FAM3B: variants seen among roughly 807,000 people sequenced by gnomAD.
The protein encoded by FAM3B is FAM3 metabolism regulating signaling molecule B, also known as protein FAM3B.
Under a neutral mutation model 28.4 loss-of-function variants are expected in FAM3B, and 29 were observed. The observed-to-expected ratio is 1.02, with a 90% CI of 0.76 to 1.39. The LOEUF is 1.39. FAM3B is among the 40% of genes most tolerant of loss of function. The pLI is 0.00. For missense variants in FAM3B, 266 were observed against 293.9 expected (o/e 0.91, Z 0.69); for synonymous variants, 91 against 103.0 (o/e 0.88, Z 0.71).
intron 1 of FAM3B, among the ~76,000 whole-genome samples, chr21:41,318,450 C>T (rs918644020): frequency 4.6e-5 from 7 of 152,146 alleles, no homozygotes; most frequent in African/African-American, 1.7e-4. Context: ...GCCTGTGGAC[C>T]GTCAAGGCCG....
intron 3 of FAM3B, 105 bp downstream of exon 3, chr21:41,338,606 T>C: frequency 1.4e-6 from 2 of 1,469,970 alleles, no homozygotes; most frequent in Non-Finnish European, 9.1e-7. Context: ...GAACCATATG[T>C]CGTTGGTCTC....
intron 1 of FAM3B, among the ~76,000 whole-genome samples, chr21:41,322,331 C>T (rs2088814144): frequency 6.6e-6 from 1 of 152,142 alleles, no homozygotes; most frequent in Admixed American, 6.6e-5. Flanking sequence ...CACTGGGAAC[C>T]TTGACTGGCC....
intron 2 of FAM3B, among the ~76,000 whole-genome samples, chr21:41,333,937 C>T (rs1361697979): frequency 6.6e-6 from 1 of 152,184 alleles, no homozygotes; most frequent in East Asian, 1.9e-4. Context: ...GAGCAAAGGT[C>T]ACTTTTATTA....
intron 2 of FAM3B, among the ~76,000 whole-genome samples, chr21:41,335,487 TGG>T (rs1477632122): frequency 6.6e-6 from 1 of 152,154 alleles, no homozygotes; most frequent in Admixed American, 6.5e-5. Flanking sequence ...TAAAAGTGTG[TGG>T]CGCCTCCTTC....
chr21:41,331,971 G>A (rs1040510527), intron 2 of FAM3B, among the ~76,000 whole-genome samples: 16 of 152,274 alleles, frequency 1.1e-4, no homozygotes, highest in Middle Eastern at 6.8e-3. Flanking sequence ...TGGCAATTTC[G>A]TTTGGATATT....
intron 1 of FAM3B, among the ~76,000 whole-genome samples, chr21:41,305,420 A>T (rs1309395382): frequency 6.6e-6 from 1 of 152,174 alleles, no homozygotes; most frequent in East Asian, 1.9e-4. Flanking sequence ...TCTGTTTAGC[A>T]GTCTTGGACT....
At chr21:41,318,266 A>G (rs1645211775) in intron 1 of FAM3B, among the ~76,000 whole-genome samples, 1 of 152,116 alleles carries the variant, frequency 6.6e-6, no homozygotes, top group Non-Finnish European at 1.5e-5. Flanking sequence ...AGATCAGGAG[A>G]CATTATTGGA....
intron 2 of FAM3B, among the ~76,000 whole-genome samples, chr21:41,335,623 CCT>C (rs2088949156): frequency 6.6e-6 from 1 of 152,190 alleles, no homozygotes; most frequent in Non-Finnish European, 1.5e-5. Context: ...TCCTTTACAG[CCT>C]GCAGAACCAT....
At chr21:41,308,649 C>T (rs895670455) in intron 1 of FAM3B, among the ~76,000 whole-genome samples, 1 of 150,524 alleles carries the variant, frequency 6.6e-6, no homozygotes, top group Admixed American at 6.7e-5. Context: ...AAGCGATCCT[C>T]CTGCCCCAGC....
At chr21:41,316,961 T>A in intron 1 of FAM3B, 63 bp downstream of exon 1, 1 of 1,248,978 alleles carries the variant, frequency 8.0e-7, no homozygotes, top group Non-Finnish European at 1.0e-6. Context: ...AGGGGAAGCG[T>A]CGCTCCCCAA....
At chr21:41,334,727 A>G (rs2088937797) in intron 2 of FAM3B, among the ~76,000 whole-genome samples, 1 of 152,226 alleles carries the variant, frequency 6.6e-6, no homozygotes. Flanking sequence ...CCACTGGAGC[A>G]CTGCCTAGTG....
Position 41,316,842 on chromosome 21 carries a change from G to C in FAM3B, c.-38G>C, listed in dbSNP as rs746385775. The C allele has an allele frequency of 4.2e-6, 6 of 1,435,076 alleles. No individual in the cohort carries two copies. The East Asian group carries it at 1.8e-4, about 42-fold the overall frequency. 88.9% of individuals were successfully genotyped at this position (1,435,076 alleles called of 1,614,324 possible). ...CTCCGCTGGCTGCGGTCGCCTGGGA[G>C]CTGCCGCCAGGGCCAGGAGGGGAGC... On this transcript the variant is annotated 5_prime_UTR_variant, in exon 1 of 8. Coordinates refer to ENST00000357985, the MANE Select transcript of FAM3B (RefSeq NM_058186.4).
intron 2 of FAM3B, 107 bp downstream of exon 2, chr21:41,323,173 A>G (rs2088825737): frequency 1.4e-6 from 2 of 1,452,534 alleles, no homozygotes; most frequent in Non-Finnish European, 1.9e-6. Context: ...ACGGCTTTAT[A>G]TCAGGAAGGA....
intron 2 of FAM3B, among the ~76,000 whole-genome samples, chr21:41,334,904 T>A (rs1445727097): frequency 6.6e-6 from 1 of 152,204 alleles, no homozygotes; most frequent in Non-Finnish European, 1.5e-5. Flanking sequence ...GCCCAAGGCC[T>A]TGAGAGTCCA....
intron 1 of FAM3B, among the ~76,000 whole-genome samples, chr21:41,307,781 A>G (rs2088689850): frequency 6.6e-6 from 1 of 152,312 alleles, no homozygotes; most frequent in Middle Eastern, 3.4e-3. Context: ...GACACTGTTC[A>G]TGGCACCCCC....
At chr21:41,339,751 T>C (rs424513) in intron 3 of FAM3B, among the ~76,000 whole-genome samples, 2 of 152,106 alleles carry the variant, frequency 1.3e-5, no homozygotes, top group African/African-American at 4.8e-5. Context: ...TTTATTAAGG[T>C]TATAAAGAGT....
upstream of FAM3B, among the ~76,000 whole-genome samples, chr21:41,311,938 C>G (rs571376545): frequency 2.7e-4 from 41 of 152,316 alleles, no homozygotes; most frequent in African/African-American, 9.6e-4. Context: ...AGGAGCAAGT[C>G]ACGTCTCATG....
intron 1 of FAM3B, among the ~76,000 whole-genome samples, chr21:41,307,447 TATC>T (rs1435036477): frequency 5.3e-5 from 8 of 152,256 alleles, no homozygotes; most frequent in African/African-American, 1.9e-4. Flanking sequence ...GGGTGGCACT[TATC>T]ATATCCTTTA....
At chr21:41,348,763 G>C (rs2089088112) in intron 7 of FAM3B, 39 bp downstream of exon 7, 6 of 1,613,272 alleles carry the variant, frequency 3.7e-6, no homozygotes, top group Non-Finnish European at 5.1e-6. Flanking sequence ...CCAATGGTGA[G>C]TATAGTAAAT....
Sources: gnomAD v4.1 joint callset for allele counts (sites outside exome capture counted in the v4.1 genomes callset) on GRCh38, gnomAD v4.1.1 for gene constraint, MANE v1.5 for transcripts, NCBI Gene and HGNC (gene_info 2026-07-23, HGNC 2026-07-21) for gene names.